DPP6: variants seen among roughly 807,000 people sequenced by gnomAD.
DPP6 encodes A-type potassium channel modulatory protein DPP6.
Under a neutral mutation model 122.6 loss-of-function variants are expected in DPP6, and 69 were observed. The ratio of observed to expected loss-of-function variants is 0.56; its 90% confidence interval spans 0.46 to 0.69. DPP6 has a LOEUF of 0.69. DPP6 is among the 30% of genes least tolerant of loss of function. DPP6 has a pLI of 0.00. For synonymous variants in DPP6, 418 were observed against 433.1 expected (o/e 0.97, Z 0.43); for missense variants, 928 against 1,116.9 (o/e 0.83, Z 2.41).
At chr7:154,458,772 C>T (rs887053487) in intron 2 of DPP6, among the ~76,000 whole-genome samples, 1 of 152,130 alleles carries the variant, frequency 6.6e-6, no homozygotes, top group Non-Finnish European at 1.5e-5. Flanking sequence ...ATGTGCCAGC[C>T]CTTGGAAGAC....
the DPP6 span, among the ~76,000 whole-genome samples, chr7:153,853,142 A>G: frequency 4.6e-5 from 7 of 152,158 alleles, no homozygotes; most frequent in East Asian, 1.3e-3. Context: ...GCATGGCTAT[A>G]ATGTCCTCAC....
chr7:154,487,901 T>G (rs1473897326), intron 3 of DPP6, among the ~76,000 whole-genome samples: 2 of 152,190 alleles, frequency 1.3e-5, no homozygotes, highest in Non-Finnish European at 2.9e-5. Context: ...ATCAATCTTT[T>G]GCCCACAGCA....
At chr7:154,782,546 T>C (rs1297138711) in intron 10 of DPP6, among the ~76,000 whole-genome samples, 3 of 152,112 alleles carry the variant, frequency 2.0e-5, no homozygotes, top group Non-Finnish European at 4.4e-5. Context: ...AAAGAATATT[T>C]AGTAAGGGCA....
chr7:154,130,043 C>T (rs1171671274), intron 1 of DPP6, among the ~76,000 whole-genome samples: 1 of 151,368 alleles, frequency 6.6e-6, no homozygotes, highest in African/African-American at 2.4e-5. Context: ...GAGCCGAGAT[C>T]GCGCCATTGC....
rs565953011 is a variant in DPP6, at chr7:154,517,399, G to A, written c.458-23133G>A. On this transcript the variant is annotated intron_variant, in intron 3 of 25. Coordinates refer to ENST00000377770, the MANE Select transcript of DPP6 (RefSeq NM_130797.4). ...AGGGTGAGAGTTGAGCACCCAGCAC[G>A]GTGTCTGCACAGAGGATGACAAAAA... Among the ~76,000 whole-genome samples, 21 of 152,202 alleles carry A rather than the reference G, an allele frequency of 1.4e-4. No individual in the cohort carries two copies. In the South Asian group the frequency reaches 1.9e-3, roughly 14 times the overall value.
chr7:154,522,639 A>G (rs554445961), intron 3 of DPP6, among the ~76,000 whole-genome samples: 42 of 152,204 alleles, frequency 2.8e-4, no homozygotes, highest in African/African-American at 9.9e-4. Flanking sequence ...TGGAGCCCAC[A>G]TTGCCTTCCT....
intron 10 of DPP6, among the ~76,000 whole-genome samples, chr7:154,786,238 G>A (rs2150411959): frequency 6.6e-6 from 1 of 152,330 alleles, no homozygotes; most frequent in East Asian, 1.9e-4. Context: ...AATTTTAGCT[G>A]TATGTAGAAT....
chr7:154,306,784 T>A (rs1258045757), intron 1 of DPP6, among the ~76,000 whole-genome samples: 5 of 152,202 alleles, frequency 3.3e-5, no homozygotes, highest in Non-Finnish European at 5.9e-5. Context: ...ACATTAAAAA[T>A]TTTTATATTC....
chr7:154,523,956 C>T (rs1270695333), intron 3 of DPP6, among the ~76,000 whole-genome samples: 2 of 152,202 alleles, frequency 1.3e-5, no homozygotes, highest in Admixed American at 6.5e-5. Context: ...CATCATTGAT[C>T]CTTACCTGCA....
chr7:154,275,870 C>A (rs1245359890), intron 1 of DPP6, among the ~76,000 whole-genome samples: 1 of 152,222 alleles, frequency 6.6e-6, no homozygotes, highest in African/African-American at 2.4e-5. Flanking sequence ...TGGCCATTCT[C>A]ACCCCACTCT....
intron 4 of DPP6, among the ~76,000 whole-genome samples, chr7:154,558,008 T>TA (rs1435138773): frequency 6.6e-6 from 1 of 152,130 alleles, no homozygotes; most frequent in Non-Finnish European, 1.5e-5. Context: ...GTAGGTTTGT[T>TA]ACGTAGGTAT....
chr7:153,807,539 G>A, the DPP6 span, among the ~76,000 whole-genome samples: 4 of 151,880 alleles, frequency 2.6e-5, no homozygotes, highest in African/African-American at 9.7e-5. Flanking sequence ...AAGTGTCCAG[G>A]GTGAGTCCCC....
intron 1 of DPP6, among the ~76,000 whole-genome samples, chr7:154,090,993 T>A (rs997406120): frequency 6.7e-5 from 10 of 150,282 alleles, no homozygotes; most frequent in East Asian, 2.0e-4. Flanking sequence ...TGGTGGCGGG[T>A]GCCTGTAGTC....
At position 153,915,434 on chromosome 7, in the gene DPP6, C is replaced by T. The variant is rs118124887; in HGVS notation, c.51+27700C>T. Among the ~76,000 whole-genome samples the T allele has an allele frequency of 2.2e-4, 34 of 152,234 alleles. No homozygotes were observed. The East Asian group carries it at 6.0e-3, about 27-fold the overall frequency. On this transcript the variant is annotated intron_variant, in intron 1 of 25. Transcript: ENST00000404039. Reference sequence around the variant, plus strand: ...ATGCAAATAAGCTCATGAAATGGAACGAGGTTTCCTAGGGCCATGTCCTAC... The same window carrying T: ...ATGCAAATAAGCTCATGAAATGGAATGAGGTTTCCTAGGGCCATGTCCTAC...
chr7:154,002,784 C>T (rs1797744800), intron 1 of DPP6, among the ~76,000 whole-genome samples: 1 of 152,134 alleles, frequency 6.6e-6, no homozygotes, highest in African/African-American at 2.4e-5. Context: ...TGAGTGACTG[C>T]TTGAGAAGGT....
chr7:154,236,490 A>C (rs1177320865), intron 1 of DPP6, among the ~76,000 whole-genome samples: 1 of 152,138 alleles, frequency 6.6e-6, no homozygotes, highest in Non-Finnish European at 1.5e-5. Flanking sequence ...AAGTAGTTTA[A>C]ATTCTTAGGA....
At chr7:154,680,905 T>G (rs377656540) in intron 7 of DPP6, among the ~76,000 whole-genome samples, 2 of 152,104 alleles carry the variant, frequency 1.3e-5, no homozygotes, top group African/African-American at 2.4e-5. Flanking sequence ...CCTTCAGAGA[T>G]ATTTTCTGGG....
intron 8 of DPP6, among the ~76,000 whole-genome samples, chr7:154,728,985 G>A (rs1429467265): frequency 1.3e-5 from 2 of 152,158 alleles, no homozygotes; most frequent in Admixed American, 6.5e-5. Flanking sequence ...ATGAATTTGG[G>A]GGGACACAGA....
At chr7:154,685,885 G>T (rs1284962038) in intron 7 of DPP6, among the ~76,000 whole-genome samples, 1 of 152,080 alleles carries the variant, frequency 6.6e-6, no homozygotes, top group Non-Finnish European at 1.5e-5. Context: ...AAATCATTAG[G>T]TGTTTTATGC....
Sources: allele counts gnomAD v4.1 joint callset (sites outside exome capture counted in the v4.1 genomes callset), GRCh38; gene constraint gnomAD v4.1.1; transcripts MANE v1.5; gene names NCBI Gene and HGNC (gene_info 2026-07-23, HGNC 2026-07-21).